Variants in RPS25 observed in about 807,000 individuals in gnomAD.
RPS25 encodes small ribosomal subunit protein eS25.
A neutral mutation model predicts 14.4 loss-of-function variants in RPS25; 1 was observed. That is an observed-to-expected ratio of 0.07 (90% CI 0.02 to 0.33). The LOEUF is 0.33. Among genes scored for constraint, RPS25 ranks in the 10% least tolerant of loss-of-function variants. The pLI is 1.00. For missense variants in RPS25, 65 were observed against 144.6 expected (o/e 0.45, Z 2.82); for synonymous variants, 63 against 53.8 (o/e 1.17, Z -0.75).
chr11:119,018,124 G>A, intron 1 of RPS25, 71 bp from the exon 2 acceptor site: 1 of 1,560,806 alleles, frequency 6.4e-7, no homozygotes, highest in Non-Finnish European at 8.8e-7. Context: ...TGCGCCCTCA[G>A]CCCCCGCAAA....
chr11:119,017,618 C>T, intron 2 of RPS25, 73 bp from the exon 3 acceptor site: 2 of 1,303,552 alleles, frequency 1.5e-6, no homozygotes, highest in South Asian at 1.3e-5. Context: ...GAGTAATCTG[C>T]GTCAGAGAAA....
chr11:119,016,902 G>C (rs1003027653), intron 3 of RPS25, among the ~76,000 whole-genome samples: 1 of 152,006 alleles, frequency 6.6e-6, no homozygotes, highest in Non-Finnish European at 1.5e-5. Context: ...AATTATAGAC[G>C]TTCAGTCACT....
intron 3 of RPS25, among the ~76,000 whole-genome samples, chr11:119,016,920 G>A (rs1296233616): frequency 1.3e-5 from 2 of 152,034 alleles, no homozygotes; most frequent in Admixed American, 6.5e-5. Flanking sequence ...ACTATAGTTA[G>A]CTGAGCCTTA....
chr11:119,017,228 A>T (rs1213474479), intron 3 of RPS25, 134 bp downstream of exon 3: 2 of 633,824 alleles, frequency 3.2e-6, no homozygotes, highest in Non-Finnish European at 5.3e-6. Context: ...CGTCAGAATT[A>T]CATTACTAAC....
chr11:119,017,939 A>T lies in RPS25; in HGVS notation c.99+19T>A, dbSNP rs1360991739. On this transcript the variant is annotated intron_variant, in intron 2 of 4. Coordinates refer to ENST00000527673, the MANE Select transcript of RPS25 (RefSeq NM_001028.3). ...GAGAGAGTTACCCCTAGTCTCTTTCAGAGAGGTCTTATTTCTACCTTCTTT... is the reference window on the plus strand; with the variant it reads ...GAGAGAGTTACCCCTAGTCTCTTTCTGAGAGGTCTTATTTCTACCTTCTTT... The T allele has an allele frequency of 6.3e-6, 10 of 1,592,664 alleles. No homozygotes were observed. The highest frequency in any genetic ancestry group is 8.6e-6 in the Non-Finnish European group (10 of 1,161,480).
chr11:119,016,637 C>G (rs954148290), intron 3 of RPS25, among the ~76,000 whole-genome samples: 1 of 150,834 alleles, frequency 6.6e-6, no homozygotes, highest in African/African-American at 2.4e-5. Context: ...ATCTTCCACC[C>G]CCCCCCCCTT....
At chr11:119,017,705 C>T in intron 2 of RPS25, 160 bp from the exon 3 acceptor site, 1 of 775,856 alleles carries the variant, frequency 1.3e-6, no homozygotes, top group Non-Finnish European at 2.1e-6. Context: ...ACGTTTTTGG[C>T]CTTCAAACAG....
chr11:119,018,149 C>T, intron 1 of RPS25, 96 bp from the exon 2 acceptor site: 1 of 1,560,886 alleles, frequency 6.4e-7, no homozygotes, highest in Non-Finnish European at 8.8e-7. Context: ...ACCACCAGAG[C>T]ACATGGGCCA....
At chr11:119,016,504 C>T (rs1943159854) in intron 3 of RPS25, among the ~76,000 whole-genome samples, 1 of 152,132 alleles carries the variant, frequency 6.6e-6, no homozygotes, top group Admixed American at 6.5e-5. Context: ...TCCCAAGTAG[C>T]TAGAAATACA....
Position 119,015,740 on chromosome 11 carries a change from A to C in RPS25, c.*23T>G, listed in dbSNP as rs555895596. 9 of 1,266,064 alleles carry C rather than the reference A, an allele frequency of 7.1e-6. No homozygotes were observed. In the South Asian group the frequency reaches 1.2e-4, roughly 16 times the overall value. The allele number at this position is 1,266,064 out of a possible 1,614,324, so 78.4% of individuals were successfully genotyped here. A position where few individuals can be genotyped will look rare whatever the true frequency, so the allele number is the denominator to read the frequency against. On this transcript the variant is annotated 3_prime_UTR_variant, in exon 5 of 5. Coordinates refer to ENST00000527673, the MANE Select transcript of RPS25 (RefSeq NM_001028.3). ...GATTTAATAAAGTTTTATTTTTCCA[A>C]ATGTACAGCTGGTTGGACCTGTAAA... is the stretch of plus-strand genomic sequence containing the variant.
chr11:119,018,286 G>A lies in RPS25; in HGVS notation c.-2C>T. On this transcript the variant is annotated 5_prime_UTR_variant, in exon 1 of 5. Coordinates refer to ENST00000527673, the MANE Select transcript of RPS25 (RefSeq NM_001028.3). ...CTTCACACCCCTGAAGCTTACCATT[G>A]CGAAGCTCGGAGAATAGCAGCAGAC... The A allele has an allele frequency of 6.2e-6, 10 of 1,614,124 alleles. No homozygotes were observed. The highest frequency in any genetic ancestry group is 8.5e-6 in the Non-Finnish European group (10 of 1,180,002).
chr11:119,017,703 G>A, intron 2 of RPS25, 158 bp from the exon 3 acceptor site: 3 of 790,342 alleles, frequency 3.8e-6, no homozygotes, highest in Admixed American at 5.9e-5. Context: ...ACACGTTTTT[G>A]GCCTTCAAAC....
chr11:119,016,895 T>C (rs1943173625), intron 3 of RPS25, among the ~76,000 whole-genome samples: 1 of 152,150 alleles, frequency 6.6e-6, no homozygotes, highest in African/African-American at 2.4e-5. Flanking sequence ...GTGCTAGAAT[T>C]ATAGACGTTC....
intron 2 of RPS25, 43 bp downstream of exon 2, chr11:119,017,913 CGA>C (rs782053578): frequency 1.0e-5 from 15 of 1,472,378 alleles, no homozygotes; most frequent in Middle Eastern, 3.8e-4. Context: ...TAGAGGATTA[CGA>C]GAGAGTTACC....
chr11:119,015,817 A>T, intron 4 of RPS25, 24 bp downstream of exon 4: 1 of 1,484,094 alleles, frequency 6.7e-7, no homozygotes, highest in Non-Finnish European at 9.4e-7. Flanking sequence ...CTCCTACACC[A>T]TGAGCCCACA....
At chr11:119,017,821 G>A (rs924947449) in intron 2 of RPS25, 137 bp downstream of exon 2, 3 of 745,572 alleles carry the variant, frequency 4.0e-6, no homozygotes, top group African/African-American at 3.5e-5. Context: ...AAGAACGAGT[G>A]GTGACGGGAA....
intron 1 of RPS25, 57 bp from the exon 2 acceptor site, chr11:119,018,110 A>G: frequency 6.3e-7 from 1 of 1,578,850 alleles, no homozygotes; most frequent in Non-Finnish European, 8.7e-7. Flanking sequence ...AAGTCCCCTA[A>G]TACTGCGCCC....
At chr11:119,018,090 A>T in intron 1 of RPS25, 37 bp from the exon 2 acceptor site, 5 of 1,598,310 alleles carry the variant, frequency 3.1e-6, no homozygotes, top group Non-Finnish European at 4.3e-6. Context: ...CAGGTCCTCA[A>T]ATAGCGCCAA....
chr11:119,017,764 G>A (rs1245802139), intron 2 of RPS25, 194 bp downstream of exon 2: 5 of 661,932 alleles, frequency 7.6e-6, no homozygotes, highest in African/African-American at 1.8e-5. Context: ...AGGCACAGCG[G>A]CAGACACTTC....
Sources: allele counts gnomAD v4.1 joint callset (sites outside exome capture counted in the v4.1 genomes callset), GRCh38; gene constraint gnomAD v4.1.1; transcripts MANE v1.5; gene names NCBI Gene and HGNC (gene_info 2026-07-23, HGNC 2026-07-21).